FARS2: variants seen among roughly 807,000 people sequenced by gnomAD.
FARS2 encodes phenylalanine--tRNA ligase, mitochondrial.
A neutral mutation model predicts 46.4 loss-of-function variants in FARS2; 40 were observed. The observed-to-expected ratio is 0.86, with a 90% CI of 0.67 to 1.12. The LOEUF is 1.12. Among genes scored for constraint, FARS2 ranks in the 50% most tolerant of loss-of-function variants. The pLI is 0.00. For missense variants in FARS2, 513 were observed against 567.9 expected, an observed-to-expected ratio of 0.90 and a Z score of 0.98; for synonymous variants, 234 against 214.9, an observed-to-expected ratio of 1.09 and a Z score of -0.78.
At chr6:5,358,255 T>C (rs1758062965) in intron 1 of FARS2, among the ~76,000 whole-genome samples, 1 of 152,066 alleles carries the variant, frequency 6.6e-6, no homozygotes, top group African/African-American at 2.4e-5. Context: ...GGGGAAAACT[T>C]GATTCTTTTT....
chr6:5,587,568 T>G (rs1329245069), intron 5 of FARS2, among the ~76,000 whole-genome samples: 1 of 152,204 alleles, frequency 6.6e-6, no homozygotes, highest in Non-Finnish European at 1.5e-5. Context: ...CTGGCAAAGT[T>G]TTCATGACTC....
chr6:5,623,830 T>C (rs1221890703), intron 6 of FARS2, among the ~76,000 whole-genome samples: 1 of 152,220 alleles, frequency 6.6e-6, no homozygotes, highest in African/African-American at 2.4e-5. Context: ...CTGTGGACAG[T>C]GGCAGATGAG....
intron 4 of FARS2, among the ~76,000 whole-genome samples, chr6:5,432,327 A>AATATAT (rs71530360): frequency 4.9e-4 from 30 of 61,048 alleles, no homozygotes; most frequent in Non-Finnish European, 5.8e-4. Context: ...AAAAAAAAAA[A>AATATAT]ATATATATAT....
intron 6 of FARS2, among the ~76,000 whole-genome samples, chr6:5,714,410 T>C (rs1237018925): frequency 1.3e-5 from 2 of 152,174 alleles, no homozygotes; most frequent in Non-Finnish European, 2.9e-5. Context: ...CCCGCATGTA[T>C]GGCCCTGGGG....
intron 1 of FARS2, among the ~76,000 whole-genome samples, chr6:5,286,816 T>C (rs1256867996): frequency 6.6e-6 from 1 of 152,240 alleles, no homozygotes; most frequent in East Asian, 1.9e-4. Context: ...TGTATGTGTG[T>C]GAGAGAGAAC....
chr6:5,321,234 T>C (rs1391544785), intron 1 of FARS2, among the ~76,000 whole-genome samples: 3 of 152,250 alleles, frequency 2.0e-5, no homozygotes, highest in African/African-American at 7.2e-5. Context: ...TTAATTTCAG[T>C]AAGTATTTGA....
chr6:5,524,501 C>A (rs1274777625), intron 4 of FARS2, among the ~76,000 whole-genome samples: 3 of 152,198 alleles, frequency 2.0e-5, no homozygotes, highest in Non-Finnish European at 4.4e-5. Context: ...TAAGACAAAT[C>A]CCAAGTTAAA....
At chr6:5,679,864 G>A (rs1306764700) in intron 6 of FARS2, among the ~76,000 whole-genome samples, 4 of 65,698 alleles carry the variant, frequency 6.1e-5, no homozygotes, top group African/African-American at 1.8e-4. Flanking sequence ...ACCCCCCAAC[G>A]CACACATTTC....
intron 6 of FARS2, among the ~76,000 whole-genome samples, chr6:5,646,632 A>G (rs1777094193): frequency 6.6e-6 from 1 of 152,210 alleles, no homozygotes; most frequent in South Asian, 2.1e-4. Context: ...AGATACCAAA[A>G]TCCAGGGATG....
At chr6:5,295,127 C>T (rs184802039) in intron 1 of FARS2, among the ~76,000 whole-genome samples, 18 of 152,204 alleles carry the variant, frequency 1.2e-4, no homozygotes, top group Admixed American at 3.3e-4. Flanking sequence ...GAGAGTGGCA[C>T]GAGGCAGCAG....
Position 5,378,228 on chromosome 6 carries a change from A to C in FARS2, c.612+9046A>C, listed in dbSNP as rs1326637402. 2.0e-5 allele frequency among the ~76,000 whole-genome samples: 3 copies of C among 151,880 alleles called. No homozygotes were observed. In the South Asian group the frequency reaches 6.2e-4, roughly 32 times the overall value. Reference sequence around the variant, plus strand: ...ATTTTAGGAGCGTAGAAGGATGTTGAGACTTACACGTTTGAGAACCACTGT... The same window carrying C: ...ATTTTAGGAGCGTAGAAGGATGTTGCGACTTACACGTTTGAGAACCACTGT... On this transcript the variant is annotated intron_variant, in intron 2 of 6. Transcript: ENST00000274680.
At chr6:5,593,258 T>G (rs1266813143) in intron 5 of FARS2, among the ~76,000 whole-genome samples, 1 of 151,906 alleles carries the variant, frequency 6.6e-6, no homozygotes, top group African/African-American at 2.4e-5. Flanking sequence ...CTTGGAAGGT[T>G]ACCCCTATGG....
chr6:5,256,282 G>C (rs1764661799), upstream of FARS2, among the ~76,000 whole-genome samples: 1 of 151,742 alleles, frequency 6.6e-6, no homozygotes, highest in African/African-American at 2.4e-5. Flanking sequence ...CTTAGGTCAG[G>C]AGTTCAAGAT....
chr6:5,572,866 G>C (rs549746841), intron 5 of FARS2, among the ~76,000 whole-genome samples: 1 of 152,186 alleles, frequency 6.6e-6, no homozygotes, highest in East Asian at 1.9e-4. Flanking sequence ...CAATGGACTG[G>C]TTCCACTAAC....
chr6:5,447,849 A>T (rs1324383222), intron 4 of FARS2, among the ~76,000 whole-genome samples: 1 of 152,234 alleles, frequency 6.6e-6, no homozygotes, highest in Non-Finnish European at 1.5e-5. Context: ...TGAGGGATGC[A>T]GTCTCACAAA....
chr6:5,503,316 G>T (rs1767907830), intron 4 of FARS2, among the ~76,000 whole-genome samples: 1 of 150,678 alleles, frequency 6.6e-6, no homozygotes, highest in Non-Finnish European at 1.5e-5. Flanking sequence ...AAGGACTGTG[G>T]TCAATAATAT....
chr6:5,360,053 T>A (rs551101576), intron 1 of FARS2, among the ~76,000 whole-genome samples: 4 of 152,326 alleles, frequency 2.6e-5, no homozygotes, highest in African/African-American at 9.6e-5. Context: ...CCAAATTCTC[T>A]AAAAATTAAT....
At chr6:5,677,122 AT>A (rs1778807509) in intron 6 of FARS2, among the ~76,000 whole-genome samples, 1 of 152,232 alleles carries the variant, frequency 6.6e-6, no homozygotes, top group Non-Finnish European at 1.5e-5. Context: ...AAGATGATTA[AT>A]TTTTATATAA....
At chr6:5,626,979 C>A (rs992225059) in intron 6 of FARS2, among the ~76,000 whole-genome samples, 6 of 152,176 alleles carry the variant, frequency 3.9e-5, no homozygotes, top group Admixed American at 3.9e-4. Context: ...AGTTGTAACA[C>A]AATGTTAAGT....
Sources: allele counts gnomAD v4.1 joint callset (sites outside exome capture counted in the v4.1 genomes callset), GRCh38; gene constraint gnomAD v4.1.1; transcripts MANE v1.5; gene names NCBI Gene and HGNC (gene_info 2026-07-23, HGNC 2026-07-21).